The following SRBD1 variants were observed in gnomAD, a reference collection of about 807,000 sequenced individuals.
SRBD1 encodes the protein S1 RNA-binding domain-containing protein 1.
SRBD1 carries 88 observed loss-of-function variants against 115.3 expected under a neutral mutation model. That is an observed-to-expected ratio of 0.76 (90% CI 0.64 to 0.91). The LOEUF is 0.91. Among genes scored for constraint, SRBD1 ranks in the 40% least tolerant of loss-of-function variants. SRBD1 has a pLI of 0.00. For missense variants in SRBD1, 1,385 were observed against 1,177.4 expected, an observed-to-expected ratio of 1.18 and a Z score of -2.58; for synonymous variants, 509 against 407.7, an observed-to-expected ratio of 1.25 and a Z score of -2.99.
At chr2:45,550,824 T>A (rs1189772779) in intron 12 of SRBD1, among the ~76,000 whole-genome samples, 3 of 152,192 alleles carry the variant, frequency 2.0e-5, no homozygotes, top group Non-Finnish European at 4.4e-5. Flanking sequence ...CATATATAAA[T>A]GCATCACAAT....
intron 14 of SRBD1, among the ~76,000 whole-genome samples, chr2:45,502,537 T>C (rs1670665806): frequency 6.6e-6 from 1 of 152,116 alleles, no homozygotes; most frequent in Non-Finnish European, 1.5e-5. Flanking sequence ...TGTAGGGACA[T>C]GGATGAAGTT....
At chr2:45,441,397 T>A (rs74712443) in intron 16 of SRBD1, among the ~76,000 whole-genome samples, 1 of 152,240 alleles carries the variant, frequency 6.6e-6, no homozygotes, top group Non-Finnish European at 1.5e-5. Context: ...TATCACCTGA[T>A]GCACACAGGT....
intron 16 of SRBD1, among the ~76,000 whole-genome samples, chr2:45,432,738 A>T (rs565401253): frequency 6.0e-4 from 92 of 152,338 alleles, no homozygotes; most frequent in African/African-American, 2.1e-3. Flanking sequence ...CAAGTTACTT[A>T]AACAGTCTCT....
chr2:45,426,532 C>T (rs1299396892), intron 16 of SRBD1, among the ~76,000 whole-genome samples: 1 of 152,186 alleles, frequency 6.6e-6, no homozygotes, highest in African/African-American at 2.4e-5. Context: ...AAGTGGGTTC[C>T]TGACCCCCAT....
chr2:45,518,877 A>G (rs1274466367), intron 14 of SRBD1, among the ~76,000 whole-genome samples: 1 of 151,822 alleles, frequency 6.6e-6, no homozygotes, highest in Non-Finnish European at 1.5e-5. Context: ...TTGTACAAGT[A>G]AAAAAAATTA....
chr2:45,437,316 A>G (rs1668526680), intron 16 of SRBD1, among the ~76,000 whole-genome samples: 1 of 151,580 alleles, frequency 6.6e-6, no homozygotes, highest in Admixed American at 6.6e-5. Context: ...TTTAAGACAT[A>G]CTACACTAAG....
intron 7 of SRBD1, 54 bp from the exon 8 acceptor site, chr2:45,574,777 T>C (rs1673127217): frequency 1.4e-6 from 2 of 1,424,914 alleles, no homozygotes; most frequent in Non-Finnish European, 1.9e-6. Flanking sequence ...CGATTGGTTT[T>C]AAATTCTATA....
intron 15 of SRBD1, among the ~76,000 whole-genome samples, chr2:45,479,635 GGAAAGAA>G (rs1669902786): frequency 6.6e-6 from 1 of 152,174 alleles, no homozygotes; most frequent in Admixed American, 6.5e-5. Flanking sequence ...TGAGGGTTAA[GGAAAGAA>G]GCCATCTTCC....
chr2:45,476,953 T>C (rs371463881), intron 16 of SRBD1, 40 bp downstream of exon 16: 2 of 1,574,460 alleles, frequency 1.3e-6, no homozygotes, highest in Non-Finnish European at 8.7e-7. Flanking sequence ...GCTCCTTGTA[T>C]TGATGGATTT....
At chr2:45,484,216 T>C (rs1388006693) in intron 15 of SRBD1, among the ~76,000 whole-genome samples, 2 of 152,144 alleles carry the variant, frequency 1.3e-5, no homozygotes, top group Non-Finnish European at 2.9e-5. Context: ...GGCAGGATGC[T>C]AAAACAATGA....
intron 16 of SRBD1, among the ~76,000 whole-genome samples, chr2:45,423,267 T>G (rs935755598): frequency 2.6e-5 from 4 of 152,182 alleles, no homozygotes; most frequent in Non-Finnish European, 5.9e-5. Context: ...TTGATGTGAA[T>G]GTGAAGCAAA....
At chr2:45,397,863 T>C (rs551510601) in intron 19 of SRBD1, among the ~76,000 whole-genome samples, 3 of 152,306 alleles carry the variant, frequency 2.0e-5, no homozygotes, top group Admixed American at 2.0e-4. Context: ...CCTCCCAAAG[T>C]GCTGGGATAA....
chr2:45,524,374 G>A (rs1004865092), intron 14 of SRBD1, among the ~76,000 whole-genome samples: 1 of 151,956 alleles, frequency 6.6e-6, no homozygotes, highest in African/African-American at 2.4e-5. Flanking sequence ...TCTATTCACA[G>A]ATAACATTAT....
chr2:45,396,042 T>C (rs115324293), intron 19 of SRBD1, among the ~76,000 whole-genome samples: 3,800 of 152,256 alleles, frequency 0.025, 90 homozygotes, highest in Middle Eastern at 0.058. Flanking sequence ...CAGGTAGTGA[T>C]AAATATCTGT....
chr2:45,480,319 C>T (rs752458863), intron 15 of SRBD1, among the ~76,000 whole-genome samples: 5 of 152,070 alleles, frequency 3.3e-5, no homozygotes, highest in South Asian at 2.1e-4. Context: ...GGGCAAAGTA[C>T]GTTGAAAATC....
At position 45,597,375 on chromosome 2, in the gene SRBD1, G is replaced by A. The variant is rs555180570; in HGVS notation, c.648+2074C>T. On this transcript the variant is annotated intron_variant, in intron 4 of 20. Transcript: ENST00000263736. ...GCAGAGGTTGCAGTGAGCCAAGATCGCGCCACTGTACTTCAGCCTGGGCGA... is the reference window on the plus strand; with the variant it reads ...GCAGAGGTTGCAGTGAGCCAAGATCACGCCACTGTACTTCAGCCTGGGCGA... 1.1e-4 allele frequency among the ~76,000 whole-genome samples: 16 copies of A among 151,082 alleles called. No individual in the cohort carries two copies. In the East Asian group the frequency reaches 1.4e-3, roughly 13 times the overall value.
rs538839835 is a variant in SRBD1 at position 45,495,876 on chromosome 2, C to T, written c.1875-7545G>A. On this transcript the variant is annotated intron_variant, in intron 14 of 20. Transcript: ENST00000263736. ...TATAATTAAAATGGTCTTTGGTCAA[C>T]ATTTTGAAATGTATTGGCTTAAAAA... Among the ~76,000 whole-genome samples the T allele has an allele frequency of 2.0e-5, 3 of 152,268 alleles. No homozygotes were observed. In the South Asian group the frequency reaches 6.2e-4, roughly 32 times the overall value.
chr2:45,539,478 A>C (rs1671865343), intron 14 of SRBD1, among the ~76,000 whole-genome samples: 1 of 152,204 alleles, frequency 6.6e-6, no homozygotes. Flanking sequence ...TTAAACCCTC[A>C]GTGTAAGAAT....
intron 5 of SRBD1, among the ~76,000 whole-genome samples, chr2:45,585,150 C>T (rs79646085): frequency 0.012 from 1,683 of 145,782 alleles, 14 homozygotes; most frequent in Non-Finnish European, 0.018. Context: ...ACTCTGTCTC[C>T]GAAAAAAAAA....
Sources: gnomAD v4.1 joint callset for allele counts (sites outside exome capture counted in the v4.1 genomes callset) on GRCh38, gnomAD v4.1.1 for gene constraint, MANE v1.5 for transcripts, NCBI Gene and HGNC (gene_info 2026-07-23, HGNC 2026-07-21) for gene names.